BEND7: variants seen among roughly 807,000 people sequenced by gnomAD.
BEND7 encodes the protein BEN domain containing 7.
A neutral mutation model predicts 50.9 loss-of-function variants in BEND7; 28 were observed. That is an observed-to-expected ratio of 0.55 (90% confidence interval 0.41 to 0.75). BEND7 has a LOEUF of 0.75. Among genes scored for constraint, BEND7 ranks in the 30% least tolerant of loss-of-function variants. The probability of loss-of-function intolerance (pLI) is 0.00; values close to 1 mark genes in which losing one functional copy is unlikely to be tolerated. For synonymous variants in BEND7, 170 were observed against 183.9 expected (o/e 0.92, Z 0.61); for missense variants, 477 against 491.3 (o/e 0.97, Z 0.28).
chr10:13,452,502 G>T (rs1386471886), intron 7 of BEND7, 37 bp downstream of exon 7: 1 of 1,578,300 alleles, frequency 6.3e-7, no homozygotes, highest in Non-Finnish European at 8.6e-7. Context: ...GAATTCATAA[G>T]TGCTTCTCCA....
At chr10:13,454,376 T>C (rs1333560671) in intron 6 of BEND7, among the ~76,000 whole-genome samples, 1 of 151,886 alleles carries the variant, frequency 6.6e-6, no homozygotes, top group Admixed American at 6.6e-5. Context: ...GAGGCTAAGG[T>C]GGGGGGCGTT....
At chr10:13,446,578 G>C (rs1381006910) in intron 8 of BEND7, 1 of 152,312 alleles carries the variant, frequency 6.6e-6, no homozygotes, top group Admixed American at 6.5e-5. Flanking sequence ...TTTTCCACAA[G>C]GCTCATTGAT....
intron 2 of BEND7, among the ~76,000 whole-genome samples, chr10:13,503,219 G>C (rs751996508): frequency 2.0e-4 from 30 of 152,162 alleles, no homozygotes; most frequent in Non-Finnish European, 2.4e-4. Flanking sequence ...TCTGGCGGTG[G>C]GCTGCGCCTG....
intron 2 of BEND7, among the ~76,000 whole-genome samples, chr10:13,510,175 C>A (rs1482829490): frequency 6.6e-6 from 1 of 152,022 alleles, no homozygotes; most frequent in East Asian, 1.9e-4. Flanking sequence ...GGGCAAAGGA[C>A]ATGAACATGT....
chr10:13,492,203 T>A (rs1208240627), intron 5 of BEND7, among the ~76,000 whole-genome samples: 1 of 152,202 alleles, frequency 6.6e-6, no homozygotes, highest in African/African-American at 2.4e-5. Flanking sequence ...CTGCTCCTTT[T>A]TTATTATTAG....
chr10:13,514,673 G>A (rs2078533785), intron 2 of BEND7, among the ~76,000 whole-genome samples: 2 of 152,200 alleles, frequency 1.3e-5, no homozygotes, highest in Admixed American at 1.3e-4. Flanking sequence ...GAGGAACACT[G>A]AACTTGTAGA....
At chr10:13,440,182 G>A (rs1215867959), downstream of BEND7, among the ~76,000 whole-genome samples, 1 of 152,114 alleles carries the variant, frequency 6.6e-6, no homozygotes, top group East Asian at 1.9e-4. Context: ...AGAGGTCTTC[G>A]AGCTGTTCTG....
intron 2 of BEND7, among the ~76,000 whole-genome samples, chr10:13,512,716 C>A (rs571036082): frequency 2.0e-5 from 3 of 152,144 alleles, no homozygotes; most frequent in Non-Finnish European, 4.4e-5. Flanking sequence ...TTTCTTCAGT[C>A]ATTTAAATTT....
chr10:13,477,913 G>A (rs1588843438), intron 6 of BEND7, among the ~76,000 whole-genome samples: 1 of 152,306 alleles, frequency 6.6e-6, no homozygotes. Flanking sequence ...GCAGGGTAGG[G>A]AAGACTTTCC....
At chr10:13,476,760 A>T (rs573273197) in intron 6 of BEND7, among the ~76,000 whole-genome samples, 70 of 152,316 alleles carry the variant, frequency 4.6e-4, no homozygotes, top group Non-Finnish European at 8.4e-4. Flanking sequence ...TATAACATCA[A>T]TTCTGAATCA....
At chr10:13,475,159 A>G (rs1281468209) in intron 6 of BEND7, among the ~76,000 whole-genome samples, 1 of 152,226 alleles carries the variant, frequency 6.6e-6, no homozygotes, top group Non-Finnish European at 1.5e-5. Flanking sequence ...AACAAGGGAT[A>G]ATACAAACTA....
chr10:13,461,041 C>A (rs1432783397), intron 6 of BEND7, among the ~76,000 whole-genome samples: 3 of 152,112 alleles, frequency 2.0e-5, no homozygotes, highest in Admixed American at 6.5e-5. Context: ...AGGTACACAG[C>A]CAAGGGGCAC....
intron 5 of BEND7, among the ~76,000 whole-genome samples, chr10:13,482,015 C>T (rs1227721285): frequency 1.3e-5 from 2 of 152,270 alleles, no homozygotes; most frequent in Non-Finnish European, 2.9e-5. Flanking sequence ...TCCAAATGAA[C>T]TGATCTCCTA....
At chr10:13,439,237 G>A, downstream of BEND7, 1 of 1,614,172 alleles carries the variant, frequency 6.2e-7, no homozygotes, top group Non-Finnish European at 8.5e-7. Context: ...GGAAAGTTGC[G>A]AATCCCTCTC....
chr10:13,528,118 A>C (rs2079547263), intron 1 of BEND7, among the ~76,000 whole-genome samples: 1 of 151,998 alleles, frequency 6.6e-6, no homozygotes, highest in African/African-American at 2.4e-5. Flanking sequence ...AAAAACAGCA[A>C]ATCTCAGGTC....
chr10:13,483,406 T>G (rs751854817), intron 5 of BEND7, among the ~76,000 whole-genome samples: 1 of 152,248 alleles, frequency 6.6e-6, no homozygotes, highest in African/African-American at 2.4e-5. Context: ...GCATTTGTCA[T>G]TGGGATGAGG....
At chr10:13,514,479 A>G (rs916933726) in intron 2 of BEND7, among the ~76,000 whole-genome samples, 3 of 152,178 alleles carry the variant, frequency 2.0e-5, no homozygotes, top group Admixed American at 6.5e-5. Flanking sequence ...TCTCATCTCC[A>G]TCTTCTTTCC....
In BEND7 at chr10:13,518,107, A is replaced by G. The variant is rs140637875; in HGVS notation, c.145+8031T>C. On this transcript the variant is annotated intron_variant, in intron 2 of 8. Coordinates refer to ENST00000466271, the MANE Select transcript of BEND7 (RefSeq NM_001369863.1). Reference sequence around the variant, plus strand: ...CACGTTTCCTTAGATTCTATCCTTCATGAATTTATTATTTTTTTTCAATGA... The same window carrying G: ...CACGTTTCCTTAGATTCTATCCTTCGTGAATTTATTATTTTTTTTCAATGA... Among the ~76,000 whole-genome samples, 234 of 152,368 alleles carry G rather than the reference A, an allele frequency of 1.5e-3. 7 individuals are homozygous for G. In the South Asian group the frequency reaches 0.038, roughly 25 times the overall value.
rs987261648 is a variant in BEND7 at position 13,500,430 on chromosome 10, C to T, written c.146-350G>A. The T allele has an allele frequency of 1.8e-5, 15 of 822,702 alleles. No individual in the cohort carries two copies. In the African/African-American group the frequency reaches 2.5e-4, roughly 14 times the overall value. The allele number at this position is 822,702 out of a possible 1,614,324, so 51.0% of individuals were successfully genotyped here. ...CTGAGACAGAAGGTCAAGGATAGAACTGGACCGCGGAACCCCTCTGCTCTG... is the reference window on the plus strand; with the variant it reads ...CTGAGACAGAAGGTCAAGGATAGAATTGGACCGCGGAACCCCTCTGCTCTG... On this transcript the variant is annotated intron_variant, in intron 2 of 8. Transcript: ENST00000466271.
Sources: gnomAD v4.1 joint callset for allele counts (sites outside exome capture counted in the v4.1 genomes callset) on GRCh38, gnomAD v4.1.1 for gene constraint, MANE v1.5 for transcripts, NCBI Gene and HGNC (gene_info 2026-07-23, HGNC 2026-07-21) for gene names.